Variants in MSH5 observed in about 807,000 individuals in gnomAD.
MSH5 encodes the protein mutS protein homolog 5.
Under a neutral mutation model 107.7 loss-of-function variants are expected in MSH5, and 78 were observed. The observed-to-expected ratio is 0.72, with a 90% CI of 0.60 to 0.87. The LOEUF is 0.87. MSH5 is among the 40% of genes least tolerant of loss of function. The pLI is 0.00. For missense variants in MSH5, 889 were observed against 1,046.6 expected (o/e 0.85, Z 2.08); for synonymous variants, 326 against 399.5 (o/e 0.82, Z 2.19).
Position 31,761,330 on chromosome 6 carries a change from C to T in MSH5, c.2037+68C>T, listed in dbSNP as rs1810972736. 1 of 1,605,088 alleles carries T rather than the reference C, an allele frequency of 6.2e-7. No homozygotes were observed. Among genetic ancestry groups the T allele is most frequent in the Non-Finnish European group, 8.5e-7 (1 of 1,173,758 alleles). On this transcript the variant is annotated intron_variant, in intron 21 of 24. Coordinates refer to ENST00000375750, the MANE Select transcript of MSH5 (RefSeq NM_172166.4). This position sits in a 1 kb window ranked among gnomAD's most constrained non-coding sequence, Gnocchi z 5.3. Reference sequence around the variant, plus strand: ...AATGGAGGAGGATGAAGGAGCATGACAGTGAGGCTGGGCCTCTGGAATGGA... The same window carrying T: ...AATGGAGGAGGATGAAGGAGCATGATAGTGAGGCTGGGCCTCTGGAATGGA...
Position 31,759,654 on chromosome 6 carries a change from ATC to A in MSH5, c.1496-130_1496-129del, listed in dbSNP as rs757026313. 44 of 1,356,518 alleles carry A rather than the reference ATC, an allele frequency of 3.2e-5. No individual in the cohort carries two copies. Among genetic ancestry groups the A allele is most frequent in the Non-Finnish European group, 4.5e-5 (44 of 974,950 alleles). The allele number at this position is 1,356,518 out of a possible 1,614,324, so 84.0% of individuals were successfully genotyped here. A position where few individuals can be genotyped will look rare whatever the true frequency, so the allele number is the denominator to read the frequency against. ...TCTCTGTCTCGCTCACTCTGACTCT[ATC>A]TTTTCCTCTGAATGTCTTGAGGTCT... On this transcript the variant is annotated intron_variant, in intron 17 of 24. Transcript: ENST00000375750. The surrounding 1 kb of genome is among the most constrained non-coding windows in gnomAD (Gnocchi z 4.7).
At chr6:31,755,510 G>A (rs556283726) in intron 12 of MSH5, among the ~76,000 whole-genome samples, 90 of 152,056 alleles carry the variant, frequency 5.9e-4, no homozygotes, top group Admixed American at 1.1e-3. Context: ...TTACAGGTGC[G>A]TGCCACCACG....
intron 9 of MSH5, chr6:31,746,079 T>TG (rs1431065666): frequency 0.013 from 1,712 of 129,456 alleles, 39 homozygotes; most frequent in African/African-American, 0.048. Flanking sequence ...TGTGTCCAGT[T>TG]TTGTGTGTGT....
rs573697229 is a variant in MSH5 at position 31,762,174 on chromosome 6, C to A, written c.2382C>A (p.Asn794Lys). Reference sequence around the variant, plus strand: ...CTGTCAAGGATTTGCTAAAGAAGAACCAAATGGAAAAGTGCGTATATGGCC... The same window carrying A: ...CTGTCAAGGATTTGCTAAAGAAGAAACAAATGGAAAAGTGCGTATATGGCC... ...IKPVKDLLKK[N>K]QMENCQTLVD... Residue 794 changes from asparagine to lysine, a missense_variant, in exon 24 of 25, where the codon AAC becomes AAA. Asn to Lys is a moderately conservative substitution (Grantham distance 94). Coordinates refer to ENST00000375750, the MANE Select transcript of MSH5 (RefSeq NM_172166.4). 115 of 1,614,188 alleles carry A rather than the reference C, an allele frequency of 7.1e-5. 2 individuals carry two copies. The South Asian group carries it at 1.2e-3, about 16-fold the overall frequency.
At chr6:31,747,099 G>A (rs890783384) in intron 9 of MSH5, among the ~76,000 whole-genome samples, 6 of 152,160 alleles carry the variant, frequency 3.9e-5, no homozygotes, top group Non-Finnish European at 5.9e-5. Flanking sequence ...GATTACAGGC[G>A]TGAGCCACCG....
chr6:31,742,792 G>A, intron 3 of MSH5, 85 bp from the exon 4 acceptor site: 1 of 1,267,428 alleles, frequency 7.9e-7, no homozygotes, highest in South Asian at 1.2e-5. Context: ...GAGAAGGAGA[G>A]GGGTAGGAAG....
chr6:31,741,336 T>TACACACACAC (rs9279401), intron 3 of MSH5, 50 bp downstream of exon 3: 48 of 897,446 alleles, frequency 5.3e-5, no homozygotes, highest in East Asian at 3.4e-4. Context: ...GCAGATGTGT[T>TACACACACAC]ACACACACAC....
intron 2 of MSH5, 58 bp from the exon 3 acceptor site, chr6:31,741,105 T>C: frequency 1.9e-6 from 3 of 1,587,276 alleles, no homozygotes; most frequent in Non-Finnish European, 2.6e-6. Context: ...TAAGACATGG[T>C]AAACCCTACA....
chr6:31,753,687 C>T, intron 12 of MSH5, 58 bp downstream of exon 12: 1 of 1,518,572 alleles, frequency 6.6e-7, no homozygotes, highest in Non-Finnish European at 9.1e-7. Flanking sequence ...GCCTGTATTC[C>T]AGACTGTCTG....
intron 8 of MSH5, among the ~76,000 whole-genome samples, 167 bp from the exon 9 acceptor site, chr6:31,745,070 C>A (rs1000936078): frequency 1.4e-5 from 2 of 143,590 alleles, no homozygotes; most frequent in Non-Finnish European, 3.0e-5. Context: ...CACCACTGCA[C>A]TCCAGCCTGG....
rs1808733267 is a variant in MSH5 at position 31,740,406 on chromosome 6, C to T, written c.-13-48C>T. On this transcript the variant is annotated intron_variant, in intron 1 of 24. Transcript: ENST00000375750. The surrounding 1 kb of genome is among the most constrained non-coding windows in gnomAD (Gnocchi z 4.4). Reference sequence around the variant, plus strand: ...CTGCGCGCCACCCTACCCCGGCCTCCTCTGTGAATCGTTGCTTCCGAACCG... The same window carrying T: ...CTGCGCGCCACCCTACCCCGGCCTCTTCTGTGAATCGTTGCTTCCGAACCG... 1.3e-6 allele frequency: 2 copies of T among 1,533,044 alleles called. No homozygotes were observed. The highest frequency in any genetic ancestry group is 5.0e-5 in the East Asian group (2 of 40,056). The allele number at this position is 1,533,044 out of a possible 1,614,324, so 95.0% of individuals were successfully genotyped here. A position where few individuals can be genotyped will look rare whatever the true frequency, so the allele number is the denominator to read the frequency against.
At chr6:31,753,691 C>G in intron 12 of MSH5, 62 bp downstream of exon 12, 1 of 1,467,374 alleles carries the variant, frequency 6.8e-7, no homozygotes, top group African/African-American at 1.4e-5. Flanking sequence ...GTATTCCAGA[C>G]TGTCTGTACC....
At position 31,758,247 on chromosome 6, in the gene MSH5, A is replaced by G; in HGVS notation, c.1097A>G (p.Glu366Gly). 3 of 1,613,076 alleles carry G rather than the reference A, an allele frequency of 1.9e-6. No individual in the cohort carries two copies. Among genetic ancestry groups the G allele is most frequent in the Non-Finnish European group, 2.5e-6 (3 of 1,180,030 alleles). Residue 366 changes from glutamate (E) to glycine (G), a missense_variant, in exon 13 of 25, where the codon GAG becomes GGG. This residue lies in a region of MSH5 where 518 missense variants were observed against 565.0 expected (regional missense o/e 0.92). Coordinates refer to ENST00000375750, the MANE Select transcript of MSH5 (RefSeq NM_172166.4). This position sits in a 1 kb window ranked among gnomAD's most constrained non-coding sequence, Gnocchi z 5.1. ...CAGCTCTTTCGGGACATTGCCCAAG[A>G]GTTCTCTGATGACCTGCACCATATC... is the stretch of plus-strand genomic sequence containing the variant. ...SIQLFRDIAQEFSDDLHHIAS... is the reference protein window; with the variant it reads ...SIQLFRDIAQGFSDDLHHIAS...
At chr6:31,756,640 ACT>A (rs1810466656) in intron 12 of MSH5, 2 of 145,350 alleles carry the variant, frequency 1.4e-5, no homozygotes, top group Admixed American at 1.4e-4. Context: ...TATTTCCCCC[ACT>A]CTTTTTTTTT....
chr6:31,760,349 C>T lies in MSH5; in HGVS notation c.1812+133C>T. 8.0e-7 allele frequency: 1 copy of T among 1,245,260 alleles called. No homozygotes were observed. Among genetic ancestry groups the T allele is most frequent in the Non-Finnish European group, 1.1e-6 (1 of 908,098 alleles). The allele number at this position is 1,245,260 out of a possible 1,614,324, so 77.1% of individuals were successfully genotyped here. On this transcript the variant is annotated intron_variant, in intron 19 of 24. Transcript: ENST00000375750. This position sits in a 1 kb window ranked among gnomAD's most constrained non-coding sequence, Gnocchi z 5.6. ...CGCTCTTCATGAAAGGACCATCACCCACATCCCTGTGCTTCCACCTCACAT... is the reference window on the plus strand; with the variant it reads ...CGCTCTTCATGAAAGGACCATCACCTACATCCCTGTGCTTCCACCTCACAT...
At position 31,762,560 on chromosome 6, in the gene MSH5, C is replaced by G. The variant is rs767877161; in HGVS notation, c.*29C>G. On this transcript the variant is annotated 3_prime_UTR_variant, in exon 25 of 25. Coordinates refer to ENST00000375750, the MANE Select transcript of MSH5 (RefSeq NM_172166.4). ...TCCTTCCAGTGTCCTCCCCAGCCTC[C>G]TGAGACTCCGGTGGGCTGCCATGCC... is the stretch of plus-strand genomic sequence containing the variant. The G allele has an allele frequency of 2.3e-5, 34 of 1,458,092 alleles. No individual in the cohort carries two copies. The highest frequency in any genetic ancestry group is 3.1e-5 in the Non-Finnish European group (32 of 1,039,742). The allele number at this position is 1,458,092 out of a possible 1,614,324, so 90.3% of individuals were successfully genotyped here. A position where few individuals can be genotyped will look rare whatever the true frequency, so the allele number is the denominator to read the frequency against.
chr6:31,759,373 G>A lies in MSH5; in HGVS notation c.1408-52G>A. 2 of 1,576,914 alleles carry A rather than the reference G, an allele frequency of 1.3e-6. No individual in the cohort carries two copies. Among genetic ancestry groups the A allele is most frequent in the East Asian group, 4.5e-5 (2 of 44,592 alleles). On this transcript the variant is annotated intron_variant, in intron 16 of 24. Transcript: ENST00000375750. The surrounding 1 kb of genome is among the most constrained non-coding windows in gnomAD (Gnocchi z 4.7). ...AGGTGGGGTTAGAAAGATGGGGAAG[G>A]AGAGGAGGACCAAGAGATGCAAAGT...
chr6:31,746,081 T>TGTGTGTGTGTGTGTGC (rs1491568038), intron 9 of MSH5: 2 of 8,508 alleles, frequency 2.4e-4, no homozygotes, highest in Admixed American at 4.1e-3. Context: ...TGTCCAGTTT[T>TGTGTGTGTGTGTGTGC]GTGTGTGTGT....
At position 31,750,568 on chromosome 6, in the gene MSH5, C is replaced by T. The variant is rs541451481; in HGVS notation, c.813-2733C>T. 1.1e-4 allele frequency among the ~76,000 whole-genome samples: 16 copies of T among 152,312 alleles called. No individual in the cohort carries two copies. The East Asian group carries it at 3.1e-3, about 29-fold the overall frequency. The stretch of plus-strand genomic sequence containing the variant: ...ACAGTTTGGTTTAACTAAAGTCTCT[C>T]CCAGTACGAGCAGGGCGTGAGTCAG... On this transcript the variant is annotated intron_variant, in intron 10 of 24. Coordinates refer to ENST00000375750, the MANE Select transcript of MSH5 (RefSeq NM_172166.4).
Sources: allele counts gnomAD v4.1 joint callset (sites outside exome capture counted in the v4.1 genomes callset), GRCh38; gene constraint gnomAD v4.1.1; regional missense constraint gnomAD v4.1.1; non-coding constraint Gnocchi (gnomAD v3.1); transcripts MANE v1.5; gene names NCBI Gene and HGNC (gene_info 2026-07-23, HGNC 2026-07-21).